The following CERT1 variants were observed in gnomAD, a reference collection of about 807,000 sequenced individuals.
The protein encoded by CERT1 is ceramide transfer protein.
In CERT1, 31 loss-of-function variants were observed where a neutral mutation model predicts 87.9. The observed-to-expected ratio is 0.35, with a 90% CI of 0.27 to 0.48. The LOEUF is 0.48. Ranked by LOEUF, CERT1 falls within the 20% of genes least tolerant of loss-of-function variation. The pLI is 0.99. For missense variants in CERT1, 487 were observed against 758.0 expected (o/e 0.64, Z 4.20); for synonymous variants, 289 against 250.9 (o/e 1.15, Z -1.44).
intron 12 of CERT1, among the ~76,000 whole-genome samples, chr5:75,387,989 G>C (rs780899424): frequency 3.9e-5 from 6 of 152,150 alleles, no homozygotes; most frequent in Non-Finnish European, 8.8e-5. Flanking sequence ...CTCCTCCCCA[G>C]AGGGAGGTGA....
intron 8 of CERT1, among the ~76,000 whole-genome samples, chr5:75,409,502 TTTTTAAA>T (rs1225955850): frequency 6.6e-6 from 1 of 152,174 alleles, no homozygotes; most frequent in African/African-American, 2.4e-5. Context: ...TGATACCCCA[TTTTTAAA>T]CTGCTCATTT....
At chr5:75,440,559 A>G (rs1387055219) in intron 3 of CERT1, among the ~76,000 whole-genome samples, 3 of 152,134 alleles carry the variant, frequency 2.0e-5, no homozygotes, top group African/African-American at 7.2e-5. Context: ...TTCTTCTACT[A>G]AACTAGAACA....
chr5:75,487,973 T>C (rs980730083), intron 2 of CERT1, among the ~76,000 whole-genome samples: 2 of 152,074 alleles, frequency 1.3e-5, no homozygotes, highest in African/African-American at 2.4e-5. Context: ...AAACTTTGCA[T>C]GTTCTTACTA....
chr5:75,404,311 A>C (rs1264382782), intron 8 of CERT1, among the ~76,000 whole-genome samples: 1 of 151,708 alleles, frequency 6.6e-6, no homozygotes, highest in Non-Finnish European at 1.5e-5. Context: ...AAAAAAAAAA[A>C]AAACAACTTT....
intron 2 of CERT1, among the ~76,000 whole-genome samples, chr5:75,471,913 A>C (rs571928974): frequency 2.1e-4 from 32 of 152,324 alleles, no homozygotes; most frequent in African/African-American, 7.5e-4. Context: ...TCATAAAAAC[A>C]GAAAAGGTAA....
intron 10 of CERT1, among the ~76,000 whole-genome samples, chr5:75,399,875 A>G (rs1357787853): frequency 2.0e-5 from 3 of 152,208 alleles, no homozygotes. Flanking sequence ...ATGGTGGCTC[A>G]CGCCTGTAAT....
Position 75,399,349 on chromosome 5 carries a change from T to C in CERT1, c.1149A>G (p.Leu383=). ...SRSSSMSSID[L]VSASDDVHRF... ...TGTGAACATCATCAGAGGCACTGAC[T>C]AGATCAATGGAAGACATGGAGGAAG... is the stretch of plus-strand genomic sequence containing the variant. The change falls in exon 11 of 17, where the codon CTA becomes CTG. Residue 383 remains leucine, a synonymous_variant. Coordinates refer to ENST00000643780, the MANE Select transcript of CERT1 (RefSeq NM_001379029.1). 2 of 1,613,634 alleles carry C rather than the reference T, an allele frequency of 1.2e-6. No individual in the cohort carries two copies. The highest frequency in any genetic ancestry group is 1.7e-6 in the Non-Finnish European group (2 of 1,179,686).
rs2112159215 is a variant in CERT1 at position 75,419,323 on chromosome 5, G to A, written c.679+18C>T. The A allele has an allele frequency of 6.5e-7, 1 of 1,529,710 alleles. No individual in the cohort carries two copies. The highest frequency in any genetic ancestry group is 2.3e-5 in the East Asian group (1 of 44,034). 94.8% of individuals were successfully genotyped at this position (1,529,710 alleles called of 1,614,324 possible). A position where few individuals can be genotyped will look rare whatever the true frequency, so the allele number is the denominator to read the frequency against. On this transcript the variant is annotated intron_variant, in intron 6 of 16. Transcript: ENST00000643780. ...AAAGTATATTTTATCCAGCTGAGGG[G>A]AAAAATGTATTACTTACACTTTTCT...
At chr5:75,478,447 G>A (rs1214005689) in intron 2 of CERT1, among the ~76,000 whole-genome samples, 2 of 152,162 alleles carry the variant, frequency 1.3e-5, no homozygotes, top group Admixed American at 6.5e-5. Context: ...ATCTAAGTGT[G>A]CAGTGACGGA....
chr5:75,422,942 GT>G (rs1176049153), intron 5 of CERT1, among the ~76,000 whole-genome samples: 1 of 152,144 alleles, frequency 6.6e-6, no homozygotes, highest in African/African-American at 2.4e-5. Flanking sequence ...CGTGGAACAG[GT>G]TTTTCCTTCA....
At chr5:75,511,871 C>G, upstream of CERT1, 1 of 1,515,230 alleles carries the variant, frequency 6.6e-7, no homozygotes, top group Non-Finnish European at 8.9e-7. Context: ...GTCCGTCGCT[C>G]GCGCAGCCTC....
chr5:75,460,292 G>A (rs1000306461), intron 2 of CERT1, among the ~76,000 whole-genome samples: 3 of 151,974 alleles, frequency 2.0e-5, no homozygotes, highest in Non-Finnish European at 2.9e-5. Flanking sequence ...TTCCCTTTAA[G>A]TATCTAAAAT....
chr5:75,379,469 G>A lies in CERT1; in HGVS notation c.1752C>T (p.Asn584=), dbSNP rs1255399141. The A allele has an allele frequency of 6.2e-7, 1 of 1,611,706 alleles. No homozygotes were observed. The highest frequency in any genetic ancestry group is 2.2e-5 in the East Asian group (1 of 44,842). The change falls in exon 17 of 17, where the codon AAC becomes AAT. Residue 584 remains asparagine, a synonymous_variant. Transcript: ENST00000643780. ...LCKITYVANV[N]PGGWAPASVL... is the part of the protein sequence containing the mutation. The stretch of plus-strand genomic sequence containing the variant: ...CTGAGGCTGGTGCCCATCCTCCAGG[G>A]TTCACTGCAAGATAAAGGAAAATTA...
chr5:75,437,635 G>GCAA (rs1764148670), intron 3 of CERT1, among the ~76,000 whole-genome samples: 1 of 151,716 alleles, frequency 6.6e-6, no homozygotes, highest in Admixed American at 6.6e-5. Flanking sequence ...GTGTGGTGGT[G>GCAA]CACGCCTATT....
At chr5:75,383,424 A>C (rs1298415439) in intron 14 of CERT1, among the ~76,000 whole-genome samples, 1 of 152,066 alleles carries the variant, frequency 6.6e-6, no homozygotes. Flanking sequence ...GATTATTTTC[A>C]GATAATAAGG....
intron 3 of CERT1, among the ~76,000 whole-genome samples, chr5:75,430,200 G>A (rs1288998726): frequency 2.0e-5 from 3 of 152,072 alleles, no homozygotes; most frequent in African/African-American, 7.2e-5. Flanking sequence ...AAGTAAAATG[G>A]TCACACTTTT....
intron 2 of CERT1, among the ~76,000 whole-genome samples, chr5:75,485,189 T>C (rs1766452282): frequency 6.6e-6 from 1 of 151,650 alleles, no homozygotes; most frequent in Admixed American, 6.6e-5. Flanking sequence ...CATGGGAGGT[T>C]GGGAGTGGTG....
intron 2 of CERT1, among the ~76,000 whole-genome samples, chr5:75,478,529 C>T (rs1024940151): frequency 2.0e-5 from 3 of 152,042 alleles, no homozygotes; most frequent in African/African-American, 4.8e-5. Flanking sequence ...GAATCAGCAA[C>T]TTCAAACACT....
intron 12 of CERT1, among the ~76,000 whole-genome samples, chr5:75,388,987 C>T (rs758773219): frequency 3.9e-5 from 6 of 152,074 alleles, no homozygotes; most frequent in Non-Finnish European, 8.8e-5. Flanking sequence ...TGGAGAGTGT[C>T]TTATTATCTT....
Sources: allele counts gnomAD v4.1 joint callset (sites outside exome capture counted in the v4.1 genomes callset), GRCh38; gene constraint gnomAD v4.1.1; transcripts MANE v1.5; gene names NCBI Gene and HGNC (gene_info 2026-07-23, HGNC 2026-07-21).